Variants in FBXL4 observed in about 807,000 individuals in gnomAD.
The protein encoded by FBXL4 is F-box and leucine rich repeat protein 4.
In FBXL4, 40 loss-of-function variants were observed where a neutral mutation model predicts 58.9. The observed-to-expected ratio is 0.68, with a 90% CI of 0.53 to 0.88. FBXL4 has a LOEUF of 0.88. Ranked by LOEUF, FBXL4 falls within the 40% of genes least tolerant of loss-of-function variation. The pLI, the probability that FBXL4 is intolerant of heterozygous loss-of-function variation, is 0.00. For synonymous variants in FBXL4, 263 were observed against 265.5 expected, an observed-to-expected ratio of 0.99 and a Z score of 0.09; for missense variants, 676 against 734.4, an observed-to-expected ratio of 0.92 and a Z score of 0.92.
intron 7 of FBXL4, among the ~76,000 whole-genome samples, chr6:98,892,507 A>C (rs1771267131): frequency 6.6e-6 from 1 of 152,218 alleles, no homozygotes; most frequent in African/African-American, 2.4e-5. Flanking sequence ...TGTATTGTTT[A>C]AATCAAATAA....
At chr6:98,913,485 CA>C (rs1772189039) in intron 5 of FBXL4, among the ~76,000 whole-genome samples, 1 of 152,198 alleles carries the variant, frequency 6.6e-6, no homozygotes. Flanking sequence ...ACAGTGCAAT[CA>C]AACTAGAACT....
chr6:98,878,128 C>T (rs557977299), intron 8 of FBXL4, among the ~76,000 whole-genome samples: 4 of 152,170 alleles, frequency 2.6e-5, no homozygotes, highest in South Asian at 2.1e-4. Flanking sequence ...GAATACTCAG[C>T]GAAGGTATAT....
intron 5 of FBXL4, among the ~76,000 whole-genome samples, chr6:98,907,059 G>A (rs1771841690): frequency 6.6e-6 from 1 of 152,128 alleles, no homozygotes; most frequent in South Asian, 2.1e-4. Context: ...TGTAGATTCT[G>A]GATATTAGCC....
Position 98,927,130 on chromosome 6 carries a change from G to T in FBXL4, c.-72-70C>A, listed in dbSNP as rs1582440239. 4.1e-6 allele frequency: 3 copies of T among 736,688 alleles called. No homozygotes were observed. The South Asian group carries it at 5.7e-5, about 14-fold the overall frequency. The allele number at this position is 736,688 out of a possible 1,614,324, so 45.6% of individuals were successfully genotyped here. ...CAGAAAAATGCATGGATAAGGTAAT[G>T]AACAGGCTCTACCCTCAATGTAATT... On this transcript the variant is annotated intron_variant, in intron 3 of 9. Transcript: ENST00000369244.
intron 2 of FBXL4, among the ~76,000 whole-genome samples, chr6:98,932,227 A>C (rs1186113440): frequency 6.6e-6 from 1 of 152,158 alleles, no homozygotes; most frequent in Non-Finnish European, 1.5e-5. Flanking sequence ...TCTTCATTTC[A>C]TTTGTTGCTT....
chr6:98,904,635 T>C (rs922992469), intron 6 of FBXL4, among the ~76,000 whole-genome samples: 5 of 152,170 alleles, frequency 3.3e-5, no homozygotes, highest in African/African-American at 1.2e-4. Flanking sequence ...AAAAATAGAA[T>C]ACAAGAGTAT....
chr6:98,879,610 C>T (rs1770771822), intron 8 of FBXL4, among the ~76,000 whole-genome samples: 1 of 152,074 alleles, frequency 6.6e-6, no homozygotes, highest in African/African-American at 2.4e-5. Flanking sequence ...AGGCTGGGCG[C>T]AGTGGCTCAC....
chr6:98,936,633 TTC>T (rs536437318), intron 1 of FBXL4, among the ~76,000 whole-genome samples: 131 of 152,326 alleles, frequency 8.6e-4, no homozygotes, highest in Middle Eastern at 3.4e-3. Flanking sequence ...TCTTAATATT[TTC>T]TTTCTCTAGC....
rs1052029652 is a variant in FBXL4, at chr6:98,872,107, G to A, written c.*2171C>T. On this transcript the variant is annotated 3_prime_UTR_variant, in exon 10 of 10. Coordinates refer to ENST00000369244, the MANE Select transcript of FBXL4 (RefSeq NM_001278716.2). ...CTGTGCTATCAAAAGGTAAGACAAA[G>A]AAGCGAGATCTCCACTCTCACACAA... The A allele has an allele frequency of 7.6e-6, 1 of 130,770 alleles. No homozygotes were observed. The highest frequency in any genetic ancestry group is 1.7e-5 in the Non-Finnish European group (1 of 58,830). The allele number at this position is 130,770 out of a possible 1,614,324, so 8.1% of individuals were successfully genotyped here. A position where few individuals can be genotyped will look rare whatever the true frequency, so the allele number is the denominator to read the frequency against.
At chr6:98,907,140 T>A (rs910165675) in intron 5 of FBXL4, among the ~76,000 whole-genome samples, 5 of 152,118 alleles carry the variant, frequency 3.3e-5, no homozygotes, top group African/African-American at 1.2e-4. Flanking sequence ...TGATGATAGT[T>A]TTTTGCTGGA....
At chr6:98,912,773 G>A (rs1301124044) in intron 5 of FBXL4, among the ~76,000 whole-genome samples, 2 of 151,126 alleles carry the variant, frequency 1.3e-5, no homozygotes, top group Non-Finnish European at 2.9e-5. Flanking sequence ...ATCAACTAAC[G>A]AGCAACATAA....
chr6:98,880,994 A>G (rs920511337), intron 7 of FBXL4, among the ~76,000 whole-genome samples: 2 of 152,190 alleles, frequency 1.3e-5, no homozygotes, highest in Admixed American at 1.3e-4. Flanking sequence ...AACAAAAACA[A>G]AAAGACAAAA....
At chr6:98,898,298 G>T (rs1562226201) in intron 7 of FBXL4, 8 of 985,192 alleles carry the variant, frequency 8.1e-6, no homozygotes, top group Non-Finnish European at 9.6e-6. Flanking sequence ...GAGGGAAAAA[G>T]TATATGACAA....
intron 6 of FBXL4, among the ~76,000 whole-genome samples, chr6:98,900,356 T>C (rs1346582338): frequency 1.3e-5 from 2 of 152,244 alleles, no homozygotes; most frequent in Non-Finnish European, 2.9e-5. Flanking sequence ...AGTAATATAC[T>C]GTTAGTCAAT....
intron 6 of FBXL4, among the ~76,000 whole-genome samples, chr6:98,900,052 T>A (rs762724709): frequency 2.0e-5 from 3 of 152,216 alleles, no homozygotes; most frequent in Non-Finnish European, 4.4e-5. Context: ...TTGCTTGATA[T>A]TGAAAATATT....
Position 98,880,498 on chromosome 6 carries a change from A to G in FBXL4, c.1389+55T>C. The G allele has an allele frequency of 7.6e-6, 11 of 1,440,150 alleles. 1 individual carries two copies. The highest frequency in any genetic ancestry group is 3.5e-4 in the Middle Eastern group (2 of 5,750). The allele number at this position is 1,440,150 out of a possible 1,614,324, so 89.2% of individuals were successfully genotyped here. On this transcript the variant is annotated intron_variant, in intron 8 of 9. Transcript: ENST00000369244. ...GTGAGTCAGGATACATTTCACCCAT[A>G]GGAAGAAAAAGAGAACAAGTAATTG...
chr6:98,900,287 G>A lies in FBXL4; in HGVS notation c.1104-806C>T, dbSNP rs530461650. On this transcript the variant is annotated intron_variant, in intron 6 of 9. Coordinates refer to ENST00000369244, the MANE Select transcript of FBXL4 (RefSeq NM_001278716.2). ...CTAAGCAAACTGAACCCTCTTAACA[G>A]TGTACCAATTATGCCTGTCCAGGTC... Among the ~76,000 whole-genome samples, 5 of 152,256 alleles carry A rather than the reference G, an allele frequency of 3.3e-5. No individual in the cohort carries two copies. In the South Asian group the frequency reaches 8.3e-4, roughly 25 times the overall value.
chr6:98,893,577 C>T (rs1437397118), intron 7 of FBXL4, among the ~76,000 whole-genome samples: 3 of 152,184 alleles, frequency 2.0e-5, no homozygotes, highest in African/African-American at 7.2e-5. Flanking sequence ...GGGGGTAGGA[C>T]TTCAATGTAC....
chr6:98,934,481 C>T (rs1036842672), intron 2 of FBXL4, among the ~76,000 whole-genome samples: 1 of 151,836 alleles, frequency 6.6e-6, no homozygotes, highest in Admixed American at 6.5e-5. Flanking sequence ...ATATTGTTCT[C>T]GTATTAGATG....
Sources: allele counts gnomAD v4.1 joint callset (sites outside exome capture counted in the v4.1 genomes callset), GRCh38; gene constraint gnomAD v4.1.1; transcripts MANE v1.5; gene names NCBI Gene and HGNC (gene_info 2026-07-23, HGNC 2026-07-21).